PSMF1: variants seen among roughly 807,000 people sequenced by gnomAD.
PSMF1 encodes proteasome inhibitor PI31 subunit.
In PSMF1, 30 loss-of-function variants were observed where a neutral mutation model predicts 29.3. That is an observed-to-expected ratio of 1.02 (90% CI 0.77 to 1.39). The LOEUF (loss-of-function observed/expected upper bound fraction) is 1.39, where lower values mean the gene tolerates loss of function less well. Ranked by LOEUF, PSMF1 falls within the 40% of genes most tolerant of loss-of-function variation. The pLI is 0.00. For missense variants in PSMF1, 344 were observed against 357.5 expected, an observed-to-expected ratio of 0.96 and a Z score of 0.31; for synonymous variants, 134 against 139.7, an observed-to-expected ratio of 0.96 and a Z score of 0.29.
chr20:1,128,087 G>A (rs770574376), intron 3 of PSMF1, among the ~76,000 whole-genome samples: 2 of 152,296 alleles, frequency 1.3e-5, no homozygotes, highest in East Asian at 1.9e-4. Flanking sequence ...ATGAGAATGT[G>A]TGTCTATCAT....
At position 1,166,206 on chromosome 20, in the gene PSMF1, T is replaced by C. The variant is rs573396294; in HGVS notation, c.*1126T>C. On this transcript the variant is annotated 3_prime_UTR_variant, in exon 7 of 7. Coordinates refer to ENST00000335877, the MANE Select transcript of PSMF1 (RefSeq NM_006814.5). The stretch of plus-strand genomic sequence containing the variant: ...GTGTCCTGGCCCACCTGACCTTTGG[T>C]GTTCTCCGGATCCTTTTCAGCCCGA... 1 of 1,611,948 alleles carries C rather than the reference T, an allele frequency of 6.2e-7. No homozygotes were observed. Among genetic ancestry groups the C allele is most frequent in the South Asian group, 1.1e-5 (1 of 90,712 alleles).
chr20:1,140,433 C>G (rs1331923338), intron 4 of PSMF1, among the ~76,000 whole-genome samples: 2 of 152,098 alleles, frequency 1.3e-5, no homozygotes, highest in Non-Finnish European at 2.9e-5. Flanking sequence ...CCTCGATTAC[C>G]TCTAAATGAA....
rs999187101 is a variant in PSMF1, at chr20:1,166,049, C to T, written c.*969C>T. On this transcript the variant is annotated 3_prime_UTR_variant, in exon 7 of 7. Transcript: ENST00000335877. ...GAATGATGGTTCAAGGCCATACTTCCCTTGAACCTTGTGTGGTTCTTGCCT... is the reference window on the plus strand; with the variant it reads ...GAATGATGGTTCAAGGCCATACTTCTCTTGAACCTTGTGTGGTTCTTGCCT... 11 of 1,477,568 alleles carry T rather than the reference C, an allele frequency of 7.4e-6. No homozygotes were observed. The highest frequency in any genetic ancestry group is 9.0e-6 in the Non-Finnish European group (10 of 1,110,990). 91.5% of individuals were successfully genotyped at this position (1,477,568 alleles called of 1,614,324 possible).
intron 4 of PSMF1, among the ~76,000 whole-genome samples, chr20:1,145,258 T>C (rs922549445): frequency 6.6e-6 from 1 of 152,218 alleles, no homozygotes; most frequent in Non-Finnish European, 1.5e-5. Context: ...ACTTAGATTC[T>C]TAAGTCCATG....
chr20:1,123,961 T>G (rs1435550677), intron 1 of PSMF1, among the ~76,000 whole-genome samples: 3 of 152,276 alleles, frequency 2.0e-5, no homozygotes, highest in African/African-American at 7.2e-5. Flanking sequence ...CTTTAGACAC[T>G]ATTAGCCGCT....
In PSMF1 at chr20:1,137,132, A is replaced by G. The variant is rs574650781; in HGVS notation, c.551+1826A>G. Among the ~76,000 whole-genome samples, 5 of 152,294 alleles carry G rather than the reference A, an allele frequency of 3.3e-5. No homozygotes were observed. The East Asian group carries it at 9.6e-4, about 29-fold the overall frequency. On this transcript the variant is annotated intron_variant, in intron 4 of 6. Coordinates refer to ENST00000335877, the MANE Select transcript of PSMF1 (RefSeq NM_006814.5). ...AGAACGCCCTCCAACTACTATGACA[A>G]GCAAAAATGACCCCAGGGCTTGCAC...
intron 4 of PSMF1, among the ~76,000 whole-genome samples, chr20:1,156,388 G>A (rs1422730198): frequency 1.3e-5 from 2 of 152,034 alleles, no homozygotes; most frequent in African/African-American, 4.8e-5. Flanking sequence ...TTTGGCAACA[G>A]GCATAAACCT....
intron 1 of PSMF1, among the ~76,000 whole-genome samples, chr20:1,125,005 T>C (rs532673652): frequency 1.3e-5 from 2 of 152,362 alleles, no homozygotes; most frequent in South Asian, 2.1e-4. Flanking sequence ...TATAATTCTT[T>C]GTTATTTGTA....
Position 1,167,463 on chromosome 20 carries a change from A to T in PSMF1, c.*2383A>T, listed in dbSNP as rs1176320501. On this transcript the variant is annotated 3_prime_UTR_variant, in exon 7 of 7. Transcript: ENST00000335877. ...ATCCACCACCATTTCTAATTCCTGA[A>T]CATTTTCACCACCTCAAAAAGAAAC... is the stretch of plus-strand genomic sequence containing the variant. 6.6e-6 allele frequency: 1 copy of T among 152,354 alleles called. No homozygotes were observed. The highest frequency in any genetic ancestry group is 2.4e-5 in the African/African-American group (1 of 41,444). The allele number at this position is 152,354 out of a possible 1,614,324, so 9.4% of individuals were successfully genotyped here.
intron 3 of PSMF1, among the ~76,000 whole-genome samples, chr20:1,133,569 A>ATATATTTTTTTT: frequency 5.6e-5 from 3 of 53,266 alleles, no homozygotes; most frequent in Non-Finnish European, 9.1e-5. Context: ...ATATATATAT[A>ATATATTTTTTTT]TTTTTTTTTT....
chr20:1,116,817 G>T (rs1158648850), upstream of PSMF1, among the ~76,000 whole-genome samples: 1 of 152,118 alleles, frequency 6.6e-6, no homozygotes, highest in Non-Finnish European at 1.5e-5. Flanking sequence ...ACGGGAGAAG[G>T]TTATTTTGGA....
Position 1,166,011 on chromosome 20 carries a change from G to A in PSMF1, c.*931G>A. 4 of 1,429,268 alleles carry A rather than the reference G, an allele frequency of 2.8e-6. No individual in the cohort carries two copies. Among genetic ancestry groups the A allele is most frequent in the Non-Finnish European group, 3.7e-6 (4 of 1,091,926 alleles). 88.5% of individuals were successfully genotyped at this position (1,429,268 alleles called of 1,614,324 possible). On this transcript the variant is annotated 3_prime_UTR_variant, in exon 7 of 7. Transcript: ENST00000335877. The stretch of plus-strand genomic sequence containing the variant: ...TGTGTTTGGTAACCCCTATAAACTG[G>A]GGCAGAGGAAAAGAATGATGGTTCA...
Position 1,169,689 on chromosome 20 carries a change from G to A in PSMF1, c.*4609G>A, listed in dbSNP as rs1432295201. On this transcript the variant is annotated 3_prime_UTR_variant, in exon 7 of 7. Transcript: ENST00000335877. ...AGCCACACAGCAGCTGCCTATATCT[G>A]CACCAAAAAGTAGATGTCCTTCACA... Among the ~76,000 whole-genome samples the A allele has an allele frequency of 6.6e-6, 1 of 152,194 alleles. No homozygotes were observed. The highest frequency in any genetic ancestry group is 1.5e-5 in the Non-Finnish European group (1 of 68,032).
In PSMF1 at chr20:1,165,632, C is replaced by G. The variant is rs749504439; in HGVS notation, c.*552C>G. ...TATTAATTGCCATTGCTCCTGACAT[C>G]ACTAAGATGGGTCCCCTTCTGGCTG... On this transcript the variant is annotated 3_prime_UTR_variant, in exon 7 of 7. Transcript: ENST00000335877. 1 of 997,016 alleles carries G rather than the reference C, an allele frequency of 1.0e-6. No individual in the cohort carries two copies. The highest frequency in any genetic ancestry group is 1.2e-6 in the Non-Finnish European group (1 of 836,418). The allele number at this position is 997,016 out of a possible 1,614,324, so 61.8% of individuals were successfully genotyped here. A position where few individuals can be genotyped will look rare whatever the true frequency, so the allele number is the denominator to read the frequency against.
intron 1 of PSMF1, among the ~76,000 whole-genome samples, chr20:1,121,154 T>C (rs1045326674): frequency 3.9e-5 from 6 of 152,078 alleles, no homozygotes; most frequent in African/African-American, 9.7e-5. Flanking sequence ...AAAAGGTCCT[T>C]GACCAATTCC....
chr20:1,165,472 C>T lies in PSMF1; in HGVS notation c.*392C>T, dbSNP rs573361077. 8 of 1,029,476 alleles carry T rather than the reference C, an allele frequency of 7.8e-6. No homozygotes were observed. The African/African-American group carries it at 1.2e-4, about 15-fold the overall frequency. The allele number at this position is 1,029,476 out of a possible 1,614,324, so 63.8% of individuals were successfully genotyped here. A position where few individuals can be genotyped will look rare whatever the true frequency, so the allele number is the denominator to read the frequency against. ...AATGTCAATACAGAATTCATGTTGC[C>T]GGTTTCCCACTTTTCTTTTTACATT... On this transcript the variant is annotated 3_prime_UTR_variant, in exon 7 of 7. Transcript: ENST00000335877.
Position 1,169,045 on chromosome 20 carries a change from C to G in PSMF1, c.*3965C>G, listed in dbSNP as rs1453677685. ...GCAGCTGCTGTGTGGCTCTGGAGTT[C>G]CTAATCCCCAGATTGTAGCAATGAT... On this transcript the variant is annotated 3_prime_UTR_variant, in exon 7 of 7. Transcript: ENST00000335877. 6.6e-6 allele frequency among the ~76,000 whole-genome samples: 1 copy of G among 152,162 alleles called. No individual in the cohort carries two copies. Among genetic ancestry groups the G allele is most frequent in the Non-Finnish European group, 1.5e-5 (1 of 68,030 alleles).
Position 1,165,925 on chromosome 20 carries a change from G to A in PSMF1, c.*845G>A, listed in dbSNP as rs974117955. 6.0e-6 allele frequency: 8 copies of A among 1,334,876 alleles called. No individual in the cohort carries two copies. Among genetic ancestry groups the A allele is most frequent in the Middle Eastern group, 2.9e-4 (1 of 3,474 alleles). 82.7% of individuals were successfully genotyped at this position (1,334,876 alleles called of 1,614,324 possible). ...AAGTTCCTTCTCCTCTTAGGGCCTT[G>A]TGCCAAGCCTATGAAATTGGAGGTG... On this transcript the variant is annotated 3_prime_UTR_variant, in exon 7 of 7. Coordinates refer to ENST00000335877, the MANE Select transcript of PSMF1 (RefSeq NM_006814.5).
chr20:1,128,649 G>A (rs2086190973), intron 3 of PSMF1, among the ~76,000 whole-genome samples: 1 of 152,154 alleles, frequency 6.6e-6, no homozygotes. Context: ...TTTATATATA[G>A]TTAAGCTGAT....
Sources: gnomAD v4.1 joint callset for allele counts (sites outside exome capture counted in the v4.1 genomes callset) on GRCh38, gnomAD v4.1.1 for gene constraint, MANE v1.5 for transcripts, NCBI Gene and HGNC (gene_info 2026-07-23, HGNC 2026-07-21) for gene names.